Variants in HHAT observed in about 807,000 individuals in gnomAD.
HHAT encodes protein-cysteine N-palmitoyltransferase HHAT.
In HHAT, 47 loss-of-function variants were observed where a neutral mutation model predicts 70.8. The ratio of observed to expected loss-of-function variants is 0.66; its 90% CI spans 0.53 to 0.85. HHAT has a LOEUF of 0.85. Among genes scored for constraint, HHAT ranks in the 40% least tolerant of loss-of-function variants. HHAT has a pLI of 0.00. For missense variants in HHAT, 609 were observed against 604.8 expected, an observed-to-expected ratio of 1.01 and a Z score of -0.07; for synonymous variants, 228 against 247.6, an observed-to-expected ratio of 0.92 and a Z score of 0.74.
chr1:210,408,851 C>T lies in HHAT; in HGVS notation c.684+4172C>T, dbSNP rs138876208. ...TACTAGGTGATCATTTAGTCTGAGC[C>T]AGGCTTTATACGTTCTAACTTAAAA... On this transcript the variant is annotated intron_variant, in intron 6 of 11. Coordinates refer to ENST00000261458, the MANE Select transcript of HHAT (RefSeq NM_018194.6). Among the ~76,000 whole-genome samples, 27 of 152,250 alleles carry T rather than the reference C, an allele frequency of 1.8e-4. No individual in the cohort carries two copies. The East Asian group carries it at 4.3e-3, about 24-fold the overall frequency.
intron 3 of HHAT, among the ~76,000 whole-genome samples, chr1:210,383,501 G>C (rs2090814378): frequency 6.6e-6 from 1 of 152,196 alleles, no homozygotes; most frequent in Non-Finnish European, 1.5e-5. Context: ...GGATGAAGAG[G>C]TAGAGTACAG....
In HHAT at chr1:210,442,706, C is replaced by T. The variant is rs946878392; in HGVS notation, c.857-21799C>T. Among the ~76,000 whole-genome samples, 482 of 152,092 alleles carry T rather than the reference C, an allele frequency of 3.2e-3. 3 individuals carry two copies. Among genetic ancestry groups the T allele is most frequent in the Admixed American group, 4.9e-3 (75 of 15,268 alleles). On this transcript the variant is annotated intron_variant, in intron 7 of 11. Transcript: ENST00000261458. ...CACTTTTTGATGGGGTTGTTTGTTT[C>T]TTTCTTGTAAATTTGTTTGAGTTCA...
rs371568839 is a variant in HHAT, at chr1:210,362,834, CTT to C, written c.92-8_92-7del. 6.7e-5 allele frequency: 81 copies of C among 1,208,428 alleles called. No homozygotes were observed. Among genetic ancestry groups the C allele is most frequent in the Middle Eastern group, 4.1e-4 (2 of 4,882 alleles). 74.9% of individuals were successfully genotyped at this position (1,208,428 alleles called of 1,614,324 possible). A position where few individuals can be genotyped will look rare whatever the true frequency, so the allele number is the denominator to read the frequency against. ...TGTTTAGATTTGTGACTAACGAAGACTTTTTTTTTTTGGTCAGAACACGAAGA... is the reference window on the plus strand; with the variant it reads ...TGTTTAGATTTGTGACTAACGAAGACTTTTTTTTTGGTCAGAACACGAAGA... On this transcript the variant is annotated splice_polypyrimidine_tract_variant and intron_variant, in intron 2 of 11. Transcript: ENST00000261458.
At chr1:210,593,263 T>C (rs1662167583) in intron 10 of HHAT, among the ~76,000 whole-genome samples, 1 of 152,194 alleles carries the variant, frequency 6.6e-6, no homozygotes, top group Non-Finnish European at 1.5e-5. Flanking sequence ...TTCTTTAAGG[T>C]GCATCATTAG....
At chr1:210,525,589 A>T (rs1033951134) in intron 9 of HHAT, among the ~76,000 whole-genome samples, 2 of 152,190 alleles carry the variant, frequency 1.3e-5, no homozygotes, top group Admixed American at 6.5e-5. Flanking sequence ...TTGTCTTCCT[A>T]GCTGTGCTAT....
Position 210,515,055 on chromosome 1 carries a change from C to G in HHAT, c.1043+1867C>G, listed in dbSNP as rs540881832. ...TTTTGGGCAGGTGCTGGAAGATGCT[C>G]TAACTGGTCACCTTAACCAGTGTTC... is the stretch of plus-strand genomic sequence containing the variant. On this transcript the variant is annotated intron_variant, in intron 9 of 11. Coordinates refer to ENST00000261458, the MANE Select transcript of HHAT (RefSeq NM_018194.6). Among the ~76,000 whole-genome samples, 13 of 152,328 alleles carry G rather than the reference C, an allele frequency of 8.5e-5. No individual in the cohort carries two copies. The South Asian group carries it at 2.7e-3, about 32-fold the overall frequency.
intron 3 of HHAT, among the ~76,000 whole-genome samples, chr1:210,367,130 T>A (rs555125001): frequency 1.1e-4 from 17 of 152,318 alleles, no homozygotes; most frequent in Non-Finnish European, 2.4e-4. Flanking sequence ...ATGAAGGCAG[T>A]AAACAGGGTG....
At chr1:210,389,510 T>C (rs1043491345) in intron 4 of HHAT, among the ~76,000 whole-genome samples, 20 of 152,210 alleles carry the variant, frequency 1.3e-4, no homozygotes, top group African/African-American at 4.8e-4. Context: ...GACTGAATCA[T>C]GGGGGCAGAC....
chr1:210,660,554 G>GA (rs1296707191), intron 11 of HHAT, among the ~76,000 whole-genome samples: 2 of 152,046 alleles, frequency 1.3e-5, no homozygotes, highest in African/African-American at 2.4e-5. Context: ...CACAGAATTG[G>GA]AAAAAACTAC....
rs369066339 is a variant in HHAT at position 210,644,837 on chromosome 1, T to C, written c.1390+21167T>C. ...CCACTTTTTGCACAGAACAACTTGT[T>C]ATAAGACCTGGGGCACTCCGGGAAA... On this transcript the variant is annotated intron_variant, in intron 11 of 11. Coordinates refer to ENST00000261458, the MANE Select transcript of HHAT (RefSeq NM_018194.6). 8.5e-5 allele frequency among the ~76,000 whole-genome samples: 13 copies of C among 152,242 alleles called. No homozygotes were observed. In the East Asian group the frequency reaches 2.1e-3, roughly 25 times the overall value.
intron 9 of HHAT, among the ~76,000 whole-genome samples, chr1:210,548,058 C>G (rs555280197): frequency 1.1e-4 from 17 of 152,354 alleles, no homozygotes; most frequent in African/African-American, 4.1e-4. Flanking sequence ...ATGATTTCCT[C>G]TCTTATTTCA....
intron 10 of HHAT, among the ~76,000 whole-genome samples, chr1:210,600,646 C>T (rs1042461143): frequency 6.6e-6 from 1 of 152,072 alleles, no homozygotes; most frequent in African/African-American, 2.4e-5. Flanking sequence ...GCTGGGTGGA[C>T]GTAGAGGAGT....
intron 1 of HHAT, among the ~76,000 whole-genome samples, chr1:210,329,795 T>A (rs926531048): frequency 6.6e-6 from 1 of 152,254 alleles, no homozygotes; most frequent in African/African-American, 2.4e-5. Flanking sequence ...TCGCCCAGGC[T>A]GGAGTGCAAT....
At chr1:210,373,121 T>G (rs934103843) in intron 3 of HHAT, among the ~76,000 whole-genome samples, 1 of 152,174 alleles carries the variant, frequency 6.6e-6, no homozygotes, top group African/African-American at 2.4e-5. Flanking sequence ...TTGGATACTT[T>G]CAATGTTAAG....
intron 3 of HHAT, among the ~76,000 whole-genome samples, chr1:210,386,222 C>CTTTTTTCTTTTTTTTTTTTTTTTTTT (rs1558409107): frequency 1.9e-4 from 13 of 69,892 alleles, no homozygotes; most frequent in African/African-American, 5.9e-4. Flanking sequence ...GAGTCCTTTT[C>CTTTTTTCTTTTTTTTTTTTTTTTTTT]TTTTTTTCTT....
intron 3 of HHAT, among the ~76,000 whole-genome samples, chr1:210,381,297 C>T (rs761170): frequency 0.77 from 117,120 of 151,862 alleles, 45,807 homozygotes; most frequent in African/African-American, 0.91. Context: ...TTTTATTTTT[C>T]TGAGACAGAG....
intron 9 of HHAT, among the ~76,000 whole-genome samples, chr1:210,544,892 G>A (rs1052340550): frequency 3.3e-5 from 5 of 151,740 alleles, no homozygotes; most frequent in South Asian, 2.1e-4. Context: ...TACCTCCTTC[G>A]TCCTCACCCC....
chr1:210,463,252 C>T (rs2094018412), intron 7 of HHAT, among the ~76,000 whole-genome samples: 1 of 151,888 alleles, frequency 6.6e-6, no homozygotes, highest in South Asian at 2.1e-4. Flanking sequence ...ATATGATTCA[C>T]CTATCACCAC....
intron 9 of HHAT, among the ~76,000 whole-genome samples, chr1:210,567,714 A>C (rs1268821674): frequency 6.6e-6 from 1 of 152,014 alleles, no homozygotes; most frequent in Non-Finnish European, 1.5e-5. Flanking sequence ...TATGTCCTAG[A>C]TGGAGATGCT....
Sources: allele counts gnomAD v4.1 joint callset (sites outside exome capture counted in the v4.1 genomes callset), GRCh38; gene constraint gnomAD v4.1.1; transcripts MANE v1.5; gene names NCBI Gene and HGNC (gene_info 2026-07-23, HGNC 2026-07-21).